The following TMEM132B variants were observed in gnomAD, a reference collection of about 807,000 sequenced individuals.
TMEM132B encodes the protein transmembrane protein 132B.
Under a neutral mutation model 90.8 loss-of-function variants are expected in TMEM132B, and 18 were observed. The ratio of observed to expected loss-of-function variants is 0.20; its 90% CI spans 0.14 to 0.29. TMEM132B has a LOEUF of 0.29. Ranked by LOEUF, TMEM132B falls within the 10% of genes least tolerant of loss-of-function variation. The pLI is 1.00. For missense variants in TMEM132B, 1,096 were observed against 1,326.8 expected (o/e 0.83, Z 2.70); for synonymous variants, 504 against 523.3 (o/e 0.96, Z 0.50).
At chr12:125,489,704 G>T (rs943987596) in intron 3 of TMEM132B, among the ~76,000 whole-genome samples, 4 of 152,186 alleles carry the variant, frequency 2.6e-5, no homozygotes, top group Admixed American at 6.5e-5. Flanking sequence ...GATCCGCCAT[G>T]CCAGGCCATT....
chr12:125,231,384 A>G (rs1374825201), intron 1 of TMEM132B, among the ~76,000 whole-genome samples: 1 of 152,192 alleles, frequency 6.6e-6, no homozygotes, highest in Non-Finnish European at 1.5e-5. Flanking sequence ...TGAAGGGGCC[A>G]CTGTTCAACC....
chr12:125,357,527 A>G (rs1240956382), intron 2 of TMEM132B, among the ~76,000 whole-genome samples: 6 of 152,254 alleles, frequency 3.9e-5, no homozygotes, highest in African/African-American at 1.2e-4. Flanking sequence ...AATGGAAACC[A>G]ATATTACTTG....
At chr12:125,261,155 A>G (rs1874559193) in intron 1 of TMEM132B, among the ~76,000 whole-genome samples, 2 of 152,200 alleles carry the variant, frequency 1.3e-5, no homozygotes, top group African/African-American at 4.8e-5. Flanking sequence ...TTTCTGGTCC[A>G]GGTATTTTAG....
At chr12:125,618,462 T>C (rs1886042128) in intron 5 of TMEM132B, among the ~76,000 whole-genome samples, 1 of 152,178 alleles carries the variant, frequency 6.6e-6, no homozygotes, top group African/African-American at 2.4e-5. Flanking sequence ...ATGGGGGTGG[T>C]AAGAGCCCCA....
At chr12:125,644,378 G>A (rs1230005503) in intron 6 of TMEM132B, 97 bp downstream of exon 6, 2 of 1,364,896 alleles carry the variant, frequency 1.5e-6, no homozygotes, top group Non-Finnish European at 2.0e-6. Flanking sequence ...CCATTGGGAA[G>A]CAACATCCAC....
intron 3 of TMEM132B, among the ~76,000 whole-genome samples, chr12:125,491,780 C>T (rs905043894): frequency 6.6e-6 from 1 of 152,190 alleles, no homozygotes; most frequent in Non-Finnish European, 1.5e-5. Flanking sequence ...TGATTCCACC[C>T]AGCCGTGCAC....
intron 5 of TMEM132B, among the ~76,000 whole-genome samples, chr12:125,613,174 TATAAATATATATCATA>T (rs1885900863): frequency 5.6e-5 from 7 of 125,632 alleles, no homozygotes; most frequent in African/African-American, 1.8e-4. Context: ...ATATATTATA[TATAAATATATATCATA>T]TATATTTATA....
intron 1 of TMEM132B, among the ~76,000 whole-genome samples, chr12:125,226,811 A>C (rs1873690941): frequency 6.6e-6 from 1 of 152,148 alleles, no homozygotes; most frequent in Non-Finnish European, 1.5e-5. Flanking sequence ...TGGGGGGAAA[A>C]TCAATCTCAC....
intron 3 of TMEM132B, among the ~76,000 whole-genome samples, chr12:125,515,492 CACAT>C (rs371822642): frequency 7.4e-6 from 1 of 134,894 alleles, no homozygotes; most frequent in Non-Finnish European, 1.6e-5. Context: ...CACACTCACA[CACAT>C]ACATTGACAC....
At chr12:125,478,497 A>G (rs1256238403) in intron 3 of TMEM132B, among the ~76,000 whole-genome samples, 15 of 152,220 alleles carry the variant, frequency 9.9e-5, no homozygotes. Flanking sequence ...GATTTGATCA[A>G]GTGGAAGAAA....
At chr12:125,253,622 TG>T (rs1874365107) in intron 1 of TMEM132B, among the ~76,000 whole-genome samples, 1 of 152,040 alleles carries the variant, frequency 6.6e-6, no homozygotes, top group Non-Finnish European at 1.5e-5. Flanking sequence ...TGGGCAGAGA[TG>T]GGTATTCACC....
At chr12:125,477,268 A>G (rs138141100) in intron 3 of TMEM132B, among the ~76,000 whole-genome samples, 72 of 152,254 alleles carry the variant, frequency 4.7e-4, no homozygotes, top group Non-Finnish European at 9.0e-4. Context: ...AGGTGTCTGA[A>G]TGGATTATGA....
intron 5 of TMEM132B, among the ~76,000 whole-genome samples, chr12:125,605,744 A>G (rs1461123299): frequency 3.3e-5 from 5 of 152,352 alleles, no homozygotes; most frequent in African/African-American, 1.2e-4. Flanking sequence ...TCTGATCTCC[A>G]CATTACAGAT....
At chr12:125,405,799 A>G (rs1268472650) in intron 2 of TMEM132B, among the ~76,000 whole-genome samples, 2 of 152,234 alleles carry the variant, frequency 1.3e-5, no homozygotes, top group African/African-American at 4.8e-5. Context: ...GTAAAGCACG[A>G]GAAAATTTAT....
At chr12:125,379,309 T>C (rs1283492325) in intron 2 of TMEM132B, among the ~76,000 whole-genome samples, 1 of 152,112 alleles carries the variant, frequency 6.6e-6, no homozygotes, top group Non-Finnish European at 1.5e-5. Context: ...GGATCTTCAA[T>C]GGGACGAGGG....
chr12:125,230,684 T>TC (rs34652119), intron 1 of TMEM132B, among the ~76,000 whole-genome samples: 5,453 of 150,882 alleles, frequency 0.036, 125 homozygotes, highest in Non-Finnish European at 0.048. Flanking sequence ...TTTTTTTTTT[T>TC]CAGTAGAGAC....
chr12:125,488,811 C>T (rs530148469), intron 3 of TMEM132B, among the ~76,000 whole-genome samples: 1 of 152,330 alleles, frequency 6.6e-6, no homozygotes, highest in Admixed American at 6.5e-5. Flanking sequence ...ACTCGTGTAC[C>T]TATGGCAAAC....
chr12:125,625,500 G>A (rs1414149251), intron 5 of TMEM132B, among the ~76,000 whole-genome samples: 2 of 152,026 alleles, frequency 1.3e-5, no homozygotes, highest in Non-Finnish European at 2.9e-5. Context: ...ATTGATAGTG[G>A]GTTTCTTTTT....
At chr12:125,284,271 C>T (rs931166535) in intron 1 of TMEM132B, among the ~76,000 whole-genome samples, 14 of 152,224 alleles carry the variant, frequency 9.2e-5, no homozygotes, top group African/African-American at 3.4e-4. Flanking sequence ...CACCTCCCTC[C>T]CAGATGCAGC....
Sources: allele counts gnomAD v4.1 joint callset (sites outside exome capture counted in the v4.1 genomes callset), GRCh38; gene constraint gnomAD v4.1.1; transcripts MANE v1.5; gene names NCBI Gene and HGNC (gene_info 2026-07-23, HGNC 2026-07-21).